The following ACSS1 variants were observed in gnomAD, a reference collection of about 807,000 sequenced individuals.
The protein encoded by ACSS1 is acetyl-coenzyme A synthetase 2-like, mitochondrial.
A neutral mutation model predicts 75.3 loss-of-function variants in ACSS1; 42 were observed. The ratio of observed to expected loss-of-function variants is 0.56; its 90% CI spans 0.44 to 0.72. ACSS1 has a LOEUF of 0.72. ACSS1 is among the 30% of genes least tolerant of loss of function. ACSS1 has a pLI of 0.00. For missense variants in ACSS1, 782 were observed against 935.7 expected (o/e 0.84, Z 2.14); for synonymous variants, 380 against 376.8 (o/e 1.01, Z -0.10).
At position 25,009,299 on chromosome 20, in the gene ACSS1, C is replaced by T. The variant is rs199734909; in HGVS notation, c.1861G>A (p.Ala621Thr). 28 of 1,614,060 alleles carry T rather than the reference C, an allele frequency of 1.7e-5. No homozygotes were observed. The highest frequency in any genetic ancestry group is 2.2e-5 in the East Asian group (1 of 44,882). The change falls in exon 13 of 14, where the codon GCC becomes ACC. Residue 621 changes from alanine (A) to threonine (T), a missense_variant. Physicochemically the swap from Ala to Thr is moderately conservative, Grantham distance 58 (BLOSUM62 0). This residue lies in a region of ACSS1 where 405 missense variants were observed against 552.6 expected (regional missense o/e 0.73). Coordinates refer to ENST00000323482, the MANE Select transcript of ACSS1 (RefSeq NM_032501.4). ...ATCTCATCAGGCACAGCATATTTGG[C>T]GATCTTGGTGGCCACCATGGACTTG... ...ELKSMVATKI[A>T]KYAVPDEILV...
chr20:25,046,955 C>T lies in ACSS1; in HGVS notation c.431+1130G>A, dbSNP rs2089102703. On this transcript the variant is annotated intron_variant, in intron 2 of 13. Transcript: ENST00000323482. ...GTCAGCAAAGGAGCCCTGGCCGAGG[C>T]TGGTGGAGCTGTGATGGGCCTGAGG... 6 of 778,530 alleles carry T rather than the reference C, an allele frequency of 7.7e-6. No individual in the cohort carries two copies. In the Admixed American group the frequency reaches 1.0e-4, roughly 13 times the overall value. 48.2% of individuals were successfully genotyped at this position (778,530 alleles called of 1,614,324 possible).
chr20:25,009,161 G>T, intron 13 of ACSS1, 109 bp downstream of exon 13: 2 of 1,018,454 alleles, frequency 2.0e-6, no homozygotes, highest in Non-Finnish European at 1.5e-6. Context: ...GCTAGTGTCC[G>T]TTTTGATGCT....
intron 1 of ACSS1, among the ~76,000 whole-genome samples, chr20:25,053,225 G>A (rs1385417943): frequency 1.4e-5 from 2 of 138,784 alleles, no homozygotes; most frequent in South Asian, 2.3e-4. Context: ...CACCACGCTC[G>A]GCTAATTTTT....
In ACSS1 at chr20:25,057,961, C is replaced by A; in HGVS notation, c.142G>T (p.Val48Phe). Residue 48 changes from valine to phenylalanine, a missense_variant, in exon 1 of 14, where the codon GTT (valine) becomes TTT (phenylalanine). Physicochemically the swap from Val to Phe is conservative, Grantham distance 50 (BLOSUM62 -1). Transcript: ENST00000323482. The stretch of plus-strand genomic sequence containing the variant: ...CCTGGCTGTGCTGCTGCTGCTGCAA[C>A]TGCGGGAGCGCTGCCCGAGGGTCCC... ...ASGPSGSAPA[V>F]AAAAAQPGSY... 1 of 1,591,018 alleles carries A rather than the reference C, an allele frequency of 6.3e-7. No individual in the cohort carries two copies. Among genetic ancestry groups the A allele is most frequent in the East Asian group, 2.3e-5 (1 of 43,216 alleles).
chr20:25,044,354 G>A (rs573429892), intron 2 of ACSS1, among the ~76,000 whole-genome samples: 14 of 152,202 alleles, frequency 9.2e-5, no homozygotes, highest in Non-Finnish European at 1.5e-4. Context: ...CCGGCCAGGC[G>A]CGGTGGCTCA....
chr20:25,034,725 T>C (rs564974852), intron 2 of ACSS1, among the ~76,000 whole-genome samples: 1 of 151,706 alleles, frequency 6.6e-6, no homozygotes, highest in African/African-American at 2.4e-5. Context: ...TGCACCACCA[T>C]GCCCAGCTAA....
At chr20:25,041,013 C>G (rs541787809) in intron 2 of ACSS1, among the ~76,000 whole-genome samples, 3 of 152,342 alleles carry the variant, frequency 2.0e-5, no homozygotes, top group African/African-American at 7.2e-5. Context: ...AATCCCAGCA[C>G]TTTGGGAGGC....
chr20:25,030,027 A>G (rs1408322131), intron 3 of ACSS1, among the ~76,000 whole-genome samples: 3 of 152,196 alleles, frequency 2.0e-5, no homozygotes, highest in Non-Finnish European at 4.4e-5. Flanking sequence ...CTCTGAAAGG[A>G]AGCGGAAGGG....
At chr20:25,045,260 A>G (rs978706572) in intron 2 of ACSS1, among the ~76,000 whole-genome samples, 2 of 152,210 alleles carry the variant, frequency 1.3e-5, no homozygotes, top group Non-Finnish European at 2.9e-5. Flanking sequence ...CAGCAGCAGG[A>G]TGGTACTGAA....
chr20:25,028,238 C>A (rs1378636271), intron 3 of ACSS1, among the ~76,000 whole-genome samples: 2 of 151,872 alleles, frequency 1.3e-5, no homozygotes, highest in Non-Finnish European at 2.9e-5. Flanking sequence ...TCTTTTTTTG[C>A]AGAAATGGAA....
chr20:25,015,855 C>T (rs1185395733), intron 7 of ACSS1, among the ~76,000 whole-genome samples: 3 of 152,180 alleles, frequency 2.0e-5, no homozygotes, highest in Admixed American at 6.5e-5. Context: ...TTTCTCTTAA[C>T]ATTTAAAACT....
chr20:25,028,696 C>A (rs182193766), intron 3 of ACSS1, among the ~76,000 whole-genome samples: 2 of 152,104 alleles, frequency 1.3e-5, no homozygotes, highest in African/African-American at 4.8e-5. Context: ...CCGAGGCGGG[C>A]GGATCACGAG....
chr20:25,018,323 G>C (rs2088555857), intron 7 of ACSS1, among the ~76,000 whole-genome samples: 1 of 152,202 alleles, frequency 6.6e-6, no homozygotes. Flanking sequence ...GGACTTCCCA[G>C]CCTCCAGAAA....
chr20:25,027,666 TTAATGG>T (rs1246788654), intron 3 of ACSS1, among the ~76,000 whole-genome samples: 2 of 151,896 alleles, frequency 1.3e-5, no homozygotes, highest in Non-Finnish European at 2.9e-5. Context: ...TAACATCATA[TTAATGG>T]TAAAAGACTG....
rs374462002 is a variant in ACSS1, at chr20:25,008,827, G to A, written c.1890+443C>T. 9.8e-5 allele frequency among the ~76,000 whole-genome samples: 15 copies of A among 152,314 alleles called. No homozygotes were observed. The East Asian group carries it at 2.3e-3, about 23-fold the overall frequency. On this transcript the variant is annotated intron_variant, in intron 13 of 13. Coordinates refer to ENST00000323482, the MANE Select transcript of ACSS1 (RefSeq NM_032501.4). The stretch of plus-strand genomic sequence containing the variant: ...ACCAGCAGCCCCATTTCTGTGACTA[G>A]CCTGCACATGCCAACATACGAGAGC...
intron 2 of ACSS1, among the ~76,000 whole-genome samples, chr20:25,041,624 T>C (rs927354662): frequency 8.5e-5 from 13 of 152,130 alleles, no homozygotes; most frequent in African/African-American, 3.1e-4. Context: ...CCATTCACAC[T>C]GGGAAAACAT....
intron 6 of ACSS1, 101 bp from the exon 7 acceptor site, chr20:25,020,248 C>T (rs1016840999): frequency 4.1e-5 from 61 of 1,496,412 alleles, no homozygotes; most frequent in Non-Finnish European, 5.2e-5. Flanking sequence ...CATGTGCAGA[C>T]GCGCATATGT....
At chr20:25,028,151 T>A (rs1247626424) in intron 3 of ACSS1, among the ~76,000 whole-genome samples, 4 of 152,350 alleles carry the variant, frequency 2.6e-5, no homozygotes, top group Non-Finnish European at 1.5e-5. Context: ...AGATATCCCA[T>A]GTTTGTGGAT....
chr20:25,044,280 C>T (rs574360818), intron 2 of ACSS1, among the ~76,000 whole-genome samples: 1 of 152,322 alleles, frequency 6.6e-6, no homozygotes, highest in South Asian at 2.1e-4. Context: ...ATGGCCACCC[C>T]CCAGGGTCTC....
Sources: allele counts gnomAD v4.1 joint callset (sites outside exome capture counted in the v4.1 genomes callset), GRCh38; gene constraint gnomAD v4.1.1; regional missense constraint gnomAD v4.1.1; transcripts MANE v1.5; gene names NCBI Gene and HGNC (gene_info 2026-07-23, HGNC 2026-07-21).